Variants in FAM135B observed in about 807,000 individuals in gnomAD.
FAM135B encodes the protein family with sequence similarity 135 member B, also known as protein FAM135B.
Under a neutral mutation model 127.7 loss-of-function variants are expected in FAM135B, and 43 were observed. That is an observed-to-expected ratio of 0.34 (90% CI 0.26 to 0.43). The LOEUF (loss-of-function observed/expected upper bound fraction) is 0.43. Ranked by LOEUF, FAM135B falls within the 20% of genes least tolerant of loss-of-function variation. The probability of loss-of-function intolerance (pLI) is 1.00; values close to 1 mark genes in which losing one functional copy is unlikely to be tolerated. For missense variants in FAM135B, 1,558 were observed against 1,725.6 expected (o/e 0.90, Z 1.72); for synonymous variants, 670 against 665.1 (o/e 1.01, Z -0.11).
chr8:138,437,922 G>A (rs201668137), intron 1 of FAM135B: 2 of 152,080 alleles, frequency 1.3e-5, no homozygotes, highest in Admixed American at 6.6e-5. Context: ...TTATAATTCC[G>A]AAGGGCAATG....
At chr8:138,280,967 A>G (rs1370988462) in intron 3 of FAM135B, among the ~76,000 whole-genome samples, 1 of 152,120 alleles carries the variant, frequency 6.6e-6, no homozygotes, top group Non-Finnish European at 1.5e-5. Flanking sequence ...ATGAGGCTAC[A>G]GCTCCTCCGG....
chr8:138,155,558 G>A (rs535163765), intron 12 of FAM135B, among the ~76,000 whole-genome samples: 151 of 152,228 alleles, frequency 9.9e-4, no homozygotes, highest in Middle Eastern at 3.4e-3. Flanking sequence ...CCCATCTCAT[G>A]TGCAGAGACA....
intron 3 of FAM135B, among the ~76,000 whole-genome samples, chr8:138,274,638 T>C (rs1240089693): frequency 6.6e-6 from 1 of 151,738 alleles, no homozygotes; most frequent in Non-Finnish European, 1.5e-5. Flanking sequence ...GAGACTGGAG[T>C]CTATTTCACC....
chr8:138,379,013 G>T (rs182944484), intron 1 of FAM135B, among the ~76,000 whole-genome samples: 15 of 152,276 alleles, frequency 9.9e-5, no homozygotes, highest in Admixed American at 9.8e-4. Flanking sequence ...TTCCCTTTCT[G>T]CCAGTGCTGG....
At chr8:138,367,212 T>C in intron 2 of FAM135B, 1 of 329,872 alleles carries the variant, frequency 3.0e-6, no homozygotes, top group South Asian at 2.4e-5. Flanking sequence ...ATTCAATTTC[T>C]ATTAACTTTG....
At chr8:138,493,843 G>A (rs1815288775) in intron 1 of FAM135B, among the ~76,000 whole-genome samples, 2 of 152,170 alleles carry the variant, frequency 1.3e-5, no homozygotes, top group African/African-American at 4.8e-5. Flanking sequence ...CACACTTTAT[G>A]AATGAGGAAA....
chr8:138,392,661 G>T (rs1042160502), intron 1 of FAM135B, among the ~76,000 whole-genome samples: 5 of 152,114 alleles, frequency 3.3e-5, no homozygotes, highest in Admixed American at 3.3e-4. Flanking sequence ...TGAGCTTTGT[G>T]ACCTTAGACA....
At chr8:138,468,533 T>G (rs564223986) in intron 1 of FAM135B, among the ~76,000 whole-genome samples, 1 of 152,298 alleles carries the variant, frequency 6.6e-6, no homozygotes, top group Admixed American at 6.5e-5. Context: ...TTGAATAGGG[T>G]GTTGCAATTT....
intron 7 of FAM135B, among the ~76,000 whole-genome samples, chr8:138,230,901 A>G (rs1159832622): frequency 6.6e-6 from 1 of 152,244 alleles, no homozygotes; most frequent in African/African-American, 2.4e-5. Flanking sequence ...CTGGTCTCCT[A>G]GTAAACACAT....
intron 2 of FAM135B, among the ~76,000 whole-genome samples, chr8:138,338,115 G>C (rs1443623477): frequency 6.6e-6 from 1 of 152,154 alleles, no homozygotes; most frequent in East Asian, 1.9e-4. Context: ...AATTCAAGAT[G>C]TATTAAAGAC....
chr8:138,139,198 A>C (rs1816916556), intron 17 of FAM135B, 102 bp from the exon 18 acceptor site: 3 of 693,610 alleles, frequency 4.3e-6, no homozygotes, highest in Admixed American at 2.6e-5. Context: ...AATTTTAGTT[A>C]ACTTGAAAAT....
chr8:138,187,640 C>G (rs1183703244), intron 9 of FAM135B, among the ~76,000 whole-genome samples: 1 of 152,246 alleles, frequency 6.6e-6, no homozygotes, highest in Non-Finnish European at 1.5e-5. Context: ...ACATATCTCT[C>G]TCCACAGTTT....
chr8:138,456,860 T>C (rs936943246), intron 1 of FAM135B, among the ~76,000 whole-genome samples: 1 of 152,050 alleles, frequency 6.6e-6, no homozygotes, highest in African/African-American at 2.4e-5. Context: ...GAAAGCTGGA[T>C]GGTGGAGACA....
intron 1 of FAM135B, among the ~76,000 whole-genome samples, chr8:138,419,862 A>G (rs11996545): frequency 0.025 from 3,778 of 152,208 alleles, 160 homozygotes; most frequent in African/African-American, 0.082. Context: ...TAGAAAGTTA[A>G]TAGTGCTAAA....
chr8:138,322,462 G>A (rs556555812), intron 2 of FAM135B, among the ~76,000 whole-genome samples: 2 of 152,258 alleles, frequency 1.3e-5, no homozygotes, highest in Admixed American at 6.5e-5. Context: ...TTTTTCCAGT[G>A]AGTTCTGAAA....
In FAM135B at chr8:138,317,543, A is replaced by G. The variant is rs1563892172; in HGVS notation, c.78-6623T>C. 2.0e-5 allele frequency among the ~76,000 whole-genome samples: 3 copies of G among 152,232 alleles called. No individual in the cohort carries two copies. In the South Asian group the frequency reaches 6.2e-4, roughly 32 times the overall value. On this transcript the variant is annotated intron_variant, in intron 2 of 19. Coordinates refer to ENST00000395297, the MANE Select transcript of FAM135B (RefSeq NM_015912.4). ...ACATTATATGAGATGTCTCTGTACT[A>G]CTTCTTAAAACTGCATGTGATTCTA...
chr8:138,348,083 C>A (rs553140509), intron 2 of FAM135B, among the ~76,000 whole-genome samples: 3 of 151,496 alleles, frequency 2.0e-5, no homozygotes, highest in African/African-American at 7.3e-5. Context: ...CTCAAAGTTG[C>A]CCCCCATGCA....
chr8:138,354,438 C>G (rs562629223), intron 2 of FAM135B, among the ~76,000 whole-genome samples: 15 of 152,294 alleles, frequency 9.8e-5, no homozygotes, highest in African/African-American at 3.4e-4. Context: ...AGACCCCCTT[C>G]CAGTCTTTAT....
chr8:138,297,421 G>A (rs1002611042), intron 3 of FAM135B, among the ~76,000 whole-genome samples: 4 of 152,186 alleles, frequency 2.6e-5, no homozygotes, highest in African/African-American at 7.2e-5. Context: ...GCCAGGATTT[G>A]AACCCAGACA....
Sources: gnomAD v4.1 joint callset for allele counts (sites outside exome capture counted in the v4.1 genomes callset) on GRCh38, gnomAD v4.1.1 for gene constraint, MANE v1.5 for transcripts, NCBI Gene and HGNC (gene_info 2026-07-23, HGNC 2026-07-21) for gene names.